Variants in SYNPR observed in about 807,000 individuals in gnomAD.
SYNPR encodes the protein synaptoporin.
In SYNPR, 23 loss-of-function variants were observed where a neutral mutation model predicts 32.9. The ratio of observed to expected loss-of-function variants is 0.70; its 90% confidence interval spans 0.50 to 0.99. The LOEUF (loss-of-function observed/expected upper bound fraction) is 0.99. Among genes scored for constraint, SYNPR ranks in the 50% least tolerant of loss-of-function variants. SYNPR has a pLI of 0.00. For missense variants in SYNPR, 318 were observed against 349.3 expected (o/e 0.91, Z 0.71); for synonymous variants, 146 against 135.9 (o/e 1.07, Z -0.52).
intron 2 of SYNPR, among the ~76,000 whole-genome samples, chr3:63,329,394 A>G (rs2087201432): frequency 6.6e-6 from 1 of 152,106 alleles, no homozygotes; most frequent in South Asian, 2.1e-4. Context: ...TTGAGCCAGG[A>G]TTTGAACCCG....
intron 2 of SYNPR, among the ~76,000 whole-genome samples, chr3:63,349,133 C>T (rs1470837396): frequency 6.6e-6 from 1 of 151,350 alleles, no homozygotes; most frequent in East Asian, 1.9e-4. Context: ...GATGGAGTCT[C>T]TCTCTATCAC....
intron 2 of SYNPR, among the ~76,000 whole-genome samples, chr3:63,324,638 A>G (rs1236102074): frequency 6.6e-6 from 1 of 152,120 alleles, no homozygotes; most frequent in Non-Finnish European, 1.5e-5. Flanking sequence ...GAGAAAGGAA[A>G]TATATAGTAT....
chr3:63,434,496 AAAGTC>A (rs200299023), intron 2 of SYNPR, among the ~76,000 whole-genome samples: 4,792 of 152,356 alleles, frequency 0.031, 110 homozygotes, highest in Non-Finnish European at 0.05. Flanking sequence ...GATCAGCGAA[AAAGTC>A]AAGTACCTCT....
intron 3 of SYNPR, among the ~76,000 whole-genome samples, chr3:63,509,073 G>A (rs569068579): frequency 6.6e-6 from 1 of 151,494 alleles, no homozygotes; most frequent in African/African-American, 2.4e-5. Context: ...AAGATCAGCT[G>A]TATTTCCTTA....
chr3:63,595,663 C>T (rs1297940981), intron 4 of SYNPR, among the ~76,000 whole-genome samples: 6 of 134,498 alleles, frequency 4.5e-5, no homozygotes, highest in Non-Finnish European at 6.3e-5. Flanking sequence ...GCATTTTGCA[C>T]GGTACCTAGT....
chr3:63,470,172 T>TA (rs906422042), intron 2 of SYNPR, among the ~76,000 whole-genome samples: 28 of 151,844 alleles, frequency 1.8e-4, no homozygotes, highest in African/African-American at 6.5e-4. Flanking sequence ...TAAATTTCTG[T>TA]AAAAAAGTAT....
At chr3:63,462,383 C>T (rs969628267) in intron 2 of SYNPR, among the ~76,000 whole-genome samples, 2 of 152,076 alleles carry the variant, frequency 1.3e-5, no homozygotes, top group Non-Finnish European at 2.9e-5. Flanking sequence ...CACAATGCCT[C>T]CTACTTTGTG....
intron 2 of SYNPR, among the ~76,000 whole-genome samples, chr3:63,372,832 G>T (rs949134534): frequency 1.3e-5 from 2 of 152,180 alleles, no homozygotes; most frequent in African/African-American, 2.4e-5. Context: ...TGGGAGAGGA[G>T]CCCACACTCT....
intron 2 of SYNPR, among the ~76,000 whole-genome samples, chr3:63,410,098 C>A (rs189224978): frequency 2.6e-5 from 4 of 152,294 alleles, no homozygotes; most frequent in Admixed American, 2.6e-4. Context: ...CACAGCTTCA[C>A]CTTGCTCATT....
intron 2 of SYNPR, among the ~76,000 whole-genome samples, chr3:63,441,707 G>T (rs1700179752): frequency 6.6e-6 from 1 of 152,202 alleles, no homozygotes; most frequent in Non-Finnish European, 1.5e-5. Flanking sequence ...GGGAGGAAAA[G>T]GTTCCTATCA....
At chr3:63,472,801 A>C (rs898439099) in intron 2 of SYNPR, among the ~76,000 whole-genome samples, 1 of 152,018 alleles carries the variant, frequency 6.6e-6, no homozygotes, top group African/African-American at 2.4e-5. Flanking sequence ...CTGAAAACCT[A>C]TTCTGCTTGC....
chr3:63,249,499 T>C (rs1037437547), intron 1 of SYNPR, among the ~76,000 whole-genome samples: 1 of 152,110 alleles, frequency 6.6e-6, no homozygotes, highest in Non-Finnish European at 1.5e-5. Flanking sequence ...AGCTAAGCTA[T>C]GAGGATGCAA....
chr3:63,559,815 T>C (rs972499683), intron 4 of SYNPR, among the ~76,000 whole-genome samples: 6 of 151,918 alleles, frequency 3.9e-5, no homozygotes, highest in African/African-American at 1.2e-4. Flanking sequence ...CAGATGGACA[T>C]ACCTAAGAGA....
intron 2 of SYNPR, among the ~76,000 whole-genome samples, chr3:63,325,421 G>A (rs35161867): frequency 0.017 from 2,536 of 152,202 alleles, 79 homozygotes; most frequent in African/African-American, 0.057. Context: ...GGAAAGGTCC[G>A]ATGCAGCATG....
At chr3:63,614,369 C>G (rs1321105105) in intron 5 of SYNPR, among the ~76,000 whole-genome samples, 1 of 152,312 alleles carries the variant, frequency 6.6e-6, no homozygotes, top group Admixed American at 6.5e-5. Context: ...AATAGCAAAC[C>G]GTTCTGCTTC....
intron 4 of SYNPR, among the ~76,000 whole-genome samples, chr3:63,560,049 A>G (rs1702660299): frequency 6.6e-6 from 1 of 152,236 alleles, no homozygotes; most frequent in Non-Finnish European, 1.5e-5. Context: ...ATCTCTGTGT[A>G]AACAGTCTTT....
chr3:63,221,829 G>A, the SYNPR span, among the ~76,000 whole-genome samples: 1 of 151,930 alleles, frequency 6.6e-6, no homozygotes, highest in South Asian at 2.1e-4. Flanking sequence ...GTAAAACTAG[G>A]TACAAAAATT....
intron 1 of SYNPR, among the ~76,000 whole-genome samples, chr3:63,236,232 A>G (rs1301185285): frequency 6.6e-6 from 1 of 151,984 alleles, no homozygotes; most frequent in Non-Finnish European, 1.5e-5. Context: ...CCATAGATCT[A>G]TACATCAGTC....
chr3:63,264,927 G>GGA (rs369024899), intron 2 of SYNPR, among the ~76,000 whole-genome samples: 4 of 12,924 alleles, frequency 3.1e-4, no homozygotes, highest in South Asian at 5.5e-3. Context: ...TCAGAATCAT[G>GGA]GGGGAGCCAT....
Sources: gnomAD v4.1 joint callset for allele counts (sites outside exome capture counted in the v4.1 genomes callset) on GRCh38, gnomAD v4.1.1 for gene constraint, MANE v1.5 for transcripts, NCBI Gene and HGNC (gene_info 2026-07-23, HGNC 2026-07-21) for gene names.